The following ANKRD31 variants were observed in gnomAD, a reference collection of about 807,000 sequenced individuals.
The protein encoded by ANKRD31 is ankyrin repeat domain 31.
In ANKRD31, 147 loss-of-function variants were observed where a neutral mutation model predicts 186.0. The ratio of observed to expected loss-of-function variants is 0.79; its 90% CI spans 0.69 to 0.91. The LOEUF is 0.91. Ranked by LOEUF, ANKRD31 falls within the 40% of genes least tolerant of loss-of-function variation. The pLI, the probability that ANKRD31 is intolerant of heterozygous loss-of-function variation, is 0.00. For synonymous variants in ANKRD31, 673 were observed against 736.4 expected (o/e 0.91, Z 1.39); for missense variants, 1,986 against 2,148.8 (o/e 0.92, Z 1.50).
chr5:75,148,180 T>C (rs574533928), intron 13 of ANKRD31, among the ~76,000 whole-genome samples: 21 of 151,812 alleles, frequency 1.4e-4, no homozygotes, highest in Non-Finnish European at 2.5e-4. Context: ...GCTGCTAAGA[T>C]TAAAACAGGA....
At chr5:75,220,971 G>A (rs185642839) in intron 3 of ANKRD31, among the ~76,000 whole-genome samples, 8 of 152,166 alleles carry the variant, frequency 5.3e-5, no homozygotes, top group East Asian at 3.9e-4. Context: ...ATGGTGGCAC[G>A]TGGTGGAATA....
At chr5:75,078,067 G>GAT (rs1210154473) in intron 25 of ANKRD31, among the ~76,000 whole-genome samples, 27 of 151,684 alleles carry the variant, frequency 1.8e-4, no homozygotes, top group African/African-American at 5.3e-4. Context: ...CCTGTAGGTA[G>GAT]ATATATTATC....
intron 4 of ANKRD31, among the ~76,000 whole-genome samples, chr5:75,207,205 G>A (rs1000148651): frequency 6.6e-6 from 1 of 152,108 alleles, no homozygotes; most frequent in Non-Finnish European, 1.5e-5. Context: ...CTATGCAAGA[G>A]TAATAAATTA....
intron 19 of ANKRD31, among the ~76,000 whole-genome samples, chr5:75,115,556 T>C (rs1259594689): frequency 6.7e-6 from 1 of 149,118 alleles, no homozygotes; most frequent in Non-Finnish European, 1.5e-5. Flanking sequence ...TCAAACAAAT[T>C]TACAAGAAAA....
chr5:75,108,283 A>C (rs1747493819), intron 20 of ANKRD31, among the ~76,000 whole-genome samples: 1 of 152,088 alleles, frequency 6.6e-6, no homozygotes, highest in Non-Finnish European at 1.5e-5. Flanking sequence ...ACATTGTACT[A>C]TATGATACCT....
intron 14 of ANKRD31, among the ~76,000 whole-genome samples, chr5:75,144,911 C>T (rs1751324826): frequency 6.6e-6 from 1 of 151,954 alleles, no homozygotes; most frequent in Non-Finnish European, 1.5e-5. Flanking sequence ...CAAATAACCC[C>T]ATCAAAAAGT....
chr5:75,100,963 A>G (rs1198588497), intron 22 of ANKRD31, among the ~76,000 whole-genome samples: 1 of 152,154 alleles, frequency 6.6e-6, no homozygotes, highest in Non-Finnish European at 1.5e-5. Flanking sequence ...TGATCCTGTT[A>G]TTATGATGTT....
At chr5:75,084,618 A>G (rs1359400676) in intron 23 of ANKRD31, among the ~76,000 whole-genome samples, 1 of 152,198 alleles carries the variant, frequency 6.6e-6, no homozygotes, top group Non-Finnish European at 1.5e-5. Flanking sequence ...AACATAATTG[A>G]CACAGACCAC....
intron 22 of ANKRD31, among the ~76,000 whole-genome samples, chr5:75,094,542 A>G (rs1746167126): frequency 6.6e-6 from 1 of 152,188 alleles, no homozygotes; most frequent in Non-Finnish European, 1.5e-5. Context: ...AATATGATGA[A>G]AAGTCATTAA....
chr5:75,115,879 T>C (rs919632107), intron 19 of ANKRD31, among the ~76,000 whole-genome samples: 4 of 152,146 alleles, frequency 2.6e-5, no homozygotes, highest in African/African-American at 9.6e-5. Context: ...GAACTAGAAA[T>C]ACCATTTGAC....
intron 22 of ANKRD31, among the ~76,000 whole-genome samples, chr5:75,101,615 C>T (rs1460986539): frequency 6.6e-6 from 1 of 152,148 alleles, no homozygotes; most frequent in Non-Finnish European, 1.5e-5. Context: ...TTCTTGGAGG[C>T]TTTGTCGTTT....
chr5:75,187,547 G>T (rs555218477), intron 10 of ANKRD31, among the ~76,000 whole-genome samples: 11 of 152,062 alleles, frequency 7.2e-5, no homozygotes, highest in African/African-American at 2.2e-4. Context: ...GGCTACTCTT[G>T]AACTCAATGG....
chr5:75,089,842 A>G (rs1051196095), intron 23 of ANKRD31, among the ~76,000 whole-genome samples: 3 of 152,258 alleles, frequency 2.0e-5, no homozygotes, highest in Non-Finnish European at 1.5e-5. Context: ...TGACATGGCT[A>G]TGAGAAAATG....
intron 17 of ANKRD31, among the ~76,000 whole-genome samples, chr5:75,127,337 T>A (rs1749337092): frequency 6.6e-6 from 1 of 152,160 alleles, no homozygotes; most frequent in Non-Finnish European, 1.5e-5. Context: ...TCTAGAGACA[T>A]TTTTTGGTTG....
chr5:75,217,146 C>T (rs1000263435), intron 3 of ANKRD31, among the ~76,000 whole-genome samples: 1 of 151,956 alleles, frequency 6.6e-6, no homozygotes, highest in African/African-American at 2.4e-5. Context: ...TGTCCGATTG[C>T]AGGGTAAATT....
At chr5:75,154,617 A>T in intron 11 of ANKRD31, among the ~76,000 whole-genome samples, 1 of 152,002 alleles carries the variant, frequency 6.6e-6, no homozygotes, top group East Asian at 1.9e-4. Flanking sequence ...AAAGAAAGGG[A>T]GAAGGAGGTA....
At position 75,107,508 on chromosome 5, in the gene ANKRD31, T is replaced by G; in HGVS notation, c.4340+13A>C. The G allele has an allele frequency of 6.8e-7, 1 of 1,476,878 alleles. No individual in the cohort carries two copies. Among genetic ancestry groups the G allele is most frequent in the Non-Finnish European group, 9.0e-7 (1 of 1,107,266 alleles). The allele number at this position is 1,476,878 out of a possible 1,614,324, so 91.5% of individuals were successfully genotyped here. A position where few individuals can be genotyped will look rare whatever the true frequency, so the allele number is the denominator to read the frequency against. ...AACTCAAAAGCACTCTTTTTTTTTC[T>G]TTTTCTACTCACCTGTATTTTTTAG... is the stretch of plus-strand genomic sequence containing the variant. On this transcript the variant is annotated intron_variant, in intron 21 of 25. Coordinates refer to ENST00000506364, the MANE Select transcript of ANKRD31 (RefSeq NM_001372053.1).
Position 75,104,750 on chromosome 5 carries a change from T to A in ANKRD31, c.4809A>T (p.Pro1603=). 4 of 1,537,284 alleles carry A rather than the reference T, an allele frequency of 2.6e-6. No individual in the cohort carries two copies. Among genetic ancestry groups the A allele is most frequent in the Non-Finnish European group, 3.5e-6 (4 of 1,146,908 alleles). ...GACCAATAAAAGCAACAGGTTGGGA[T>A]GGTAATTTATTCTTCTCTGTGCCAT... ...HSDGTEKNKL[P]SQPVAFIGQT... Residue 1603 remains proline, a synonymous_variant, in exon 22 of 26, where the codon CCA becomes CCT. Coordinates refer to ENST00000506364, the MANE Select transcript of ANKRD31 (RefSeq NM_001372053.1).
intron 6 of ANKRD31, among the ~76,000 whole-genome samples, chr5:75,198,230 T>G (rs900108574): frequency 3.3e-5 from 5 of 152,120 alleles, no homozygotes; most frequent in African/African-American, 1.2e-4. Flanking sequence ...AGACCCTAAA[T>G]AGAGGACACA....
Sources: allele counts gnomAD v4.1 joint callset (sites outside exome capture counted in the v4.1 genomes callset), GRCh38; gene constraint gnomAD v4.1.1; transcripts MANE v1.5; gene names NCBI Gene and HGNC (gene_info 2026-07-23, HGNC 2026-07-21).